The following DOK6 variants were observed in gnomAD, a reference collection of about 807,000 sequenced individuals.
DOK6 encodes docking protein 6.
Under a neutral mutation model 44.0 loss-of-function variants are expected in DOK6, and 22 were observed. The observed-to-expected ratio is 0.50, with a 90% confidence interval of 0.36 to 0.71. The LOEUF is 0.71. Ranked by LOEUF, DOK6 falls within the 30% of genes least tolerant of loss-of-function variation. The pLI, the probability that DOK6 is intolerant of heterozygous loss-of-function variation, is 0.00. For synonymous variants in DOK6, 166 were observed against 145.5 expected, an observed-to-expected ratio of 1.14 and a Z score of -1.01; for missense variants, 340 against 416.4, an observed-to-expected ratio of 0.82 and a Z score of 1.60.
At chr18:69,680,740 G>A (rs936982253) in intron 4 of DOK6, among the ~76,000 whole-genome samples, 6 of 152,080 alleles carry the variant, frequency 3.9e-5, no homozygotes, top group African/African-American at 1.4e-4. Flanking sequence ...ATTACCAGTA[G>A]GCTATAAAAC....
intron 1 of DOK6, among the ~76,000 whole-genome samples, chr18:69,487,250 G>A (rs540555653): frequency 1.0e-4 from 15 of 150,392 alleles, no homozygotes; most frequent in African/African-American, 3.7e-4. Context: ...TGTGTTGGGG[G>A]GTATCAGCCC....
At chr18:69,464,418 T>C (rs1979871735) in intron 1 of DOK6, among the ~76,000 whole-genome samples, 1 of 152,220 alleles carries the variant, frequency 6.6e-6, no homozygotes, top group Non-Finnish European at 1.5e-5. Flanking sequence ...CCGAATGTTC[T>C]TTGTATCTTC....
intron 2 of DOK6, among the ~76,000 whole-genome samples, chr18:69,581,075 C>T (rs146610250): frequency 1.4e-3 from 217 of 152,242 alleles, no homozygotes; most frequent in Admixed American, 3.5e-3. Context: ...CGTGTATATA[C>T]GGCACACTTT....
Position 69,757,852 on chromosome 18 carries a change from G to A in DOK6, c.835G>A (p.Gly279Ser), listed in dbSNP as rs2144754655. 6.2e-7 allele frequency: 1 copy of A among 1,614,088 alleles called. No homozygotes were observed. Among genetic ancestry groups the A allele is most frequent in the East Asian group, 2.2e-5 (1 of 44,870 alleles). The change falls in exon 7 of 8, where the codon GGT becomes AGT. Residue 279 changes from glycine (G) to serine (S), a missense_variant. Transcript: ENST00000382713. ...TCACATCACTCGTCAGAACAGCGTT[G>A]GTGAAATCTACAGTTTGCAAGGCAA... is the stretch of plus-strand genomic sequence containing the variant. ...WHHITRQNSV[G>S]EIYSLQGHGF...
intron 4 of DOK6, among the ~76,000 whole-genome samples, chr18:69,697,726 T>C (rs1986420587): frequency 6.6e-6 from 1 of 152,190 alleles, no homozygotes; most frequent in African/African-American, 2.4e-5. Context: ...AAAGTAAGGT[T>C]TGGAATCATT....
At chr18:69,606,649 A>T (rs1240876870) in intron 3 of DOK6, among the ~76,000 whole-genome samples, 1 of 151,920 alleles carries the variant, frequency 6.6e-6, no homozygotes, top group Non-Finnish European at 1.5e-5. Flanking sequence ...CTAAGACTCC[A>T]TTTAAAAACT....
At chr18:69,633,391 C>G (rs1984732545) in intron 3 of DOK6, among the ~76,000 whole-genome samples, 1 of 152,146 alleles carries the variant, frequency 6.6e-6, no homozygotes, top group Non-Finnish European at 1.5e-5. Context: ...TATGCAAAGT[C>G]TATACTGTTA....
At chr18:69,798,920 G>A (rs959672877) in intron 7 of DOK6, among the ~76,000 whole-genome samples, 5 of 151,994 alleles carry the variant, frequency 3.3e-5, no homozygotes, top group Non-Finnish European at 5.9e-5. Flanking sequence ...GGAATCCTCT[G>A]TCAAGTACTA....
chr18:69,767,544 G>C (rs369592317), intron 7 of DOK6, among the ~76,000 whole-genome samples: 28 of 128 alleles, frequency 0.22, no homozygotes, highest in African/African-American at 0.3. Flanking sequence ...CCAGTGCAGA[G>C]GAGAATGCCC....
chr18:69,763,853 G>A (rs558272161), intron 7 of DOK6, among the ~76,000 whole-genome samples: 62 of 152,258 alleles, frequency 4.1e-4, no homozygotes, highest in Non-Finnish European at 5.7e-4. Flanking sequence ...TGTACTGCAG[G>A]CACTCAGTAA....
At chr18:69,647,406 G>T (rs1897729283) in intron 3 of DOK6, 1 of 152,130 alleles carries the variant, frequency 6.6e-6, no homozygotes, top group Admixed American at 6.6e-5. Context: ...TATCCTACAG[G>T]ACCCTGGAAG....
At chr18:69,641,983 G>A (rs1161763722) in intron 3 of DOK6, among the ~76,000 whole-genome samples, 1 of 152,170 alleles carries the variant, frequency 6.6e-6, no homozygotes, top group Non-Finnish European at 1.5e-5. Context: ...ATAACCACTG[G>A]ATTTGTTTTA....
chr18:69,421,747 A>C (rs1015765096), intron 1 of DOK6, among the ~76,000 whole-genome samples: 1 of 152,138 alleles, frequency 6.6e-6, no homozygotes, highest in Non-Finnish European at 1.5e-5. Flanking sequence ...ACTTGATTAC[A>C]TGTGGTTTTA....
intron 6 of DOK6, among the ~76,000 whole-genome samples, chr18:69,755,000 T>G (rs566782557): frequency 2.0e-5 from 3 of 152,156 alleles, no homozygotes; most frequent in African/African-American, 7.2e-5. Flanking sequence ...TTTGTATCCC[T>G]GGCAAAGATC....
chr18:69,588,338 C>G (rs1425330416), intron 2 of DOK6, among the ~76,000 whole-genome samples: 1 of 152,196 alleles, frequency 6.6e-6, no homozygotes, highest in East Asian at 1.9e-4. Context: ...TTGCTTGATT[C>G]GGTAACTCTT....
At chr18:69,511,673 C>T (rs565979926) in intron 1 of DOK6, among the ~76,000 whole-genome samples, 52 of 152,228 alleles carry the variant, frequency 3.4e-4, no homozygotes, top group Admixed American at 1.6e-3. Flanking sequence ...ATCTCCTTAA[C>T]GGTTATTACA....
chr18:69,629,366 A>G (rs370583655), intron 3 of DOK6, among the ~76,000 whole-genome samples: 3 of 152,264 alleles, frequency 2.0e-5, no homozygotes, highest in Middle Eastern at 3.4e-3. Context: ...TTTTTTTTCA[A>G]TCATACTCAA....
chr18:69,687,338 G>A (rs1402660228), intron 4 of DOK6, among the ~76,000 whole-genome samples: 6 of 152,098 alleles, frequency 3.9e-5, no homozygotes, highest in East Asian at 1.9e-4. Context: ...TCTGTAAAAA[G>A]CATTTGATAA....
intron 1 of DOK6, among the ~76,000 whole-genome samples, chr18:69,433,758 C>T (rs762054681): frequency 6.6e-6 from 1 of 152,038 alleles, no homozygotes; most frequent in Non-Finnish European, 1.5e-5. Flanking sequence ...TAGACTGTTT[C>T]CTCTGAGAAA....
Sources: allele counts gnomAD v4.1 joint callset (sites outside exome capture counted in the v4.1 genomes callset), GRCh38; gene constraint gnomAD v4.1.1; transcripts MANE v1.5; gene names NCBI Gene and HGNC (gene_info 2026-07-23, HGNC 2026-07-21).